Variants in CNTN5 observed in about 807,000 individuals in gnomAD.
CNTN5 encodes contactin 5, also known as contactin-5.
In CNTN5, 77 loss-of-function variants were observed where a neutral mutation model predicts 129.1. The ratio of observed to expected loss-of-function variants is 0.60; its 90% CI spans 0.50 to 0.72. The LOEUF is 0.72. Among genes scored for constraint, CNTN5 ranks in the 30% least tolerant of loss-of-function variants. CNTN5 has a pLI of 0.00. For synonymous variants in CNTN5, 509 were observed against 465.6 expected (o/e 1.09, Z -1.20); for missense variants, 1,478 against 1,328.8 (o/e 1.11, Z -1.75).
At chr11:99,783,039 C>T (rs1180198859) in intron 3 of CNTN5, among the ~76,000 whole-genome samples, 1 of 148,594 alleles carries the variant, frequency 6.7e-6, no homozygotes, top group Non-Finnish European at 1.5e-5. Context: ...AACAGGCAAC[C>T]TACAAAATGG....
At chr11:99,053,964 T>C (rs1402614257) in intron 1 of CNTN5, among the ~76,000 whole-genome samples, 1 of 152,030 alleles carries the variant, frequency 6.6e-6, no homozygotes, top group African/African-American at 2.4e-5. Context: ...CTTATTCTAA[T>C]GTACTTTTTA....
intron 8 of CNTN5, among the ~76,000 whole-genome samples, chr11:99,963,035 T>A (rs1368193564): frequency 1.3e-5 from 2 of 152,154 alleles, no homozygotes; most frequent in African/African-American, 4.8e-5. Context: ...TTTGTTTGAG[T>A]TCATTGTAGA....
intron 1 of CNTN5, among the ~76,000 whole-genome samples, chr11:99,270,453 A>G (rs1478528017): frequency 6.6e-6 from 1 of 151,846 alleles, no homozygotes; most frequent in African/African-American, 2.4e-5. Flanking sequence ...ACCTAACCCC[A>G]AAACCTTCGG....
chr11:100,145,425 T>C (rs1421773037), intron 13 of CNTN5, among the ~76,000 whole-genome samples: 1 of 152,108 alleles, frequency 6.6e-6, no homozygotes, highest in Non-Finnish European at 1.5e-5. Flanking sequence ...CAAATGATGA[T>C]GCGTTTAAAT....
intron 8 of CNTN5, among the ~76,000 whole-genome samples, chr11:99,965,040 T>C (rs534870585): frequency 1.3e-5 from 2 of 152,300 alleles, no homozygotes; most frequent in Non-Finnish European, 2.9e-5. Context: ...GTCTATTTGA[T>C]TCTTCTCTGT....
At chr11:99,761,118 A>G (rs1944565201) in intron 3 of CNTN5, among the ~76,000 whole-genome samples, 2 of 152,102 alleles carry the variant, frequency 1.3e-5, no homozygotes, top group Non-Finnish European at 2.9e-5. Flanking sequence ...ATATGTGTAG[A>G]AGGTAATTAT....
At position 99,754,031 on chromosome 11, in the gene CNTN5, CCTT is replaced by C. The variant is rs147092643; in HGVS notation, c.56-65510_56-65508del. Among the ~76,000 whole-genome samples, 1,491 of 151,966 alleles carry C rather than the reference CCTT, an allele frequency of 9.8e-3. 31 individuals carry two copies. The highest frequency in any genetic ancestry group is 0.034 in the African/African-American group (1,407 of 41,430). ...ACAACAACAAAAAAACAAAAAAACA[CCTT>C]CTGATACAACACATTTATGTGTGAC... On this transcript the variant is annotated intron_variant, in intron 3 of 24. Transcript: ENST00000524871.
intron 10 of CNTN5, 135 bp downstream of exon 10, chr11:100,061,528 G>A: frequency 1.6e-6 from 1 of 614,586 alleles, no homozygotes; most frequent in South Asian, 2.6e-5. Flanking sequence ...TCATTCGTAT[G>A]GTAAGGCATC....
intron 1 of CNTN5, among the ~76,000 whole-genome samples, chr11:99,304,119 G>A (rs574607427): frequency 2.8e-4 from 42 of 152,208 alleles, no homozygotes; most frequent in Non-Finnish European, 5.0e-4. Context: ...AATAAATGAC[G>A]AGAGCAAAGC....
chr11:99,808,284 T>G (rs2135507492), intron 3 of CNTN5, among the ~76,000 whole-genome samples: 1 of 152,272 alleles, frequency 6.6e-6, no homozygotes, highest in East Asian at 1.9e-4. Context: ...GGCTGCAATA[T>G]TTTAGCCCAC....
intron 17 of CNTN5, among the ~76,000 whole-genome samples, chr11:100,268,647 T>C (rs997201694): frequency 2.0e-5 from 3 of 152,140 alleles, no homozygotes; most frequent in Non-Finnish European, 2.9e-5. Context: ...ATGGTAGGCA[T>C]CAGCATCAAA....
intron 1 of CNTN5, among the ~76,000 whole-genome samples, chr11:99,297,741 T>C (rs1422531901): frequency 1.3e-5 from 2 of 152,114 alleles, no homozygotes; most frequent in Admixed American, 6.5e-5. Flanking sequence ...TGGCCAATGA[T>C]TTTTCATACC....
At chr11:99,720,835 T>G (rs1283037377) in intron 3 of CNTN5, among the ~76,000 whole-genome samples, 1 of 152,112 alleles carries the variant, frequency 6.6e-6, no homozygotes, top group African/African-American at 2.4e-5. Flanking sequence ...TTATTAACAT[T>G]CCTATATACC....
intron 15 of CNTN5, among the ~76,000 whole-genome samples, chr11:100,224,392 G>A (rs186516992): frequency 2.0e-5 from 3 of 152,106 alleles, no homozygotes; most frequent in East Asian, 3.9e-4. Flanking sequence ...TTTTGCTCAC[G>A]GATTATTTCT....
intron 1 of CNTN5, among the ~76,000 whole-genome samples, chr11:99,040,882 C>T (rs1863960349): frequency 6.6e-6 from 1 of 152,058 alleles, no homozygotes; most frequent in Non-Finnish European, 1.5e-5. Context: ...TTAGCATTAA[C>T]ATTTCTTTAG....
intron 1 of CNTN5, among the ~76,000 whole-genome samples, chr11:99,045,137 T>C (rs542100855): frequency 1.3e-5 from 2 of 152,308 alleles, no homozygotes; most frequent in Admixed American, 1.3e-4. Context: ...GCATCCCATG[T>C]AGGGTGTGAA....
At chr11:99,893,998 GT>G (rs202095061) in intron 6 of CNTN5, among the ~76,000 whole-genome samples, 15 of 149,098 alleles carry the variant, frequency 1.0e-4, no homozygotes, top group South Asian at 6.4e-4. Context: ...CCTTGCCAGG[GT>G]TTTTTTTTTC....
chr11:99,059,073 C>A (rs919415933), intron 1 of CNTN5, among the ~76,000 whole-genome samples: 1 of 139,928 alleles, frequency 7.1e-6, no homozygotes, highest in South Asian at 2.6e-4. Flanking sequence ...CCCCTTGCCT[C>A]CCTCCCTCCC....
intron 13 of CNTN5, among the ~76,000 whole-genome samples, chr11:100,178,690 C>T (rs1436484386): frequency 1.3e-5 from 2 of 152,314 alleles, no homozygotes; most frequent in Admixed American, 1.3e-4. Context: ...TCACATGAGA[C>T]TATTTGCCTT....
Sources: allele counts gnomAD v4.1 joint callset (sites outside exome capture counted in the v4.1 genomes callset), GRCh38; gene constraint gnomAD v4.1.1; transcripts MANE v1.5; gene names NCBI Gene and HGNC (gene_info 2026-07-23, HGNC 2026-07-21).